The following SLCO2B1 variants were observed in gnomAD, a reference collection of about 807,000 sequenced individuals.
SLCO2B1 encodes solute carrier organic anion transporter family member 2B1.
SLCO2B1 carries 41 observed loss-of-function variants against 67.3 expected under a neutral mutation model. The ratio of observed to expected loss-of-function variants is 0.61; its 90% CI spans 0.47 to 0.79. The LOEUF is 0.79. Among genes scored for constraint, SLCO2B1 ranks in the 30% least tolerant of loss-of-function variants. SLCO2B1 has a pLI of 0.00. For missense variants in SLCO2B1, 837 were observed against 920.1 expected, an observed-to-expected ratio of 0.91 and a Z score of 1.17; for synonymous variants, 379 against 381.4, an observed-to-expected ratio of 0.99 and a Z score of 0.07.
intron 11 of SLCO2B1, 27 bp downstream of exon 11, chr11:75,200,414 G>C: frequency 1.9e-6 from 3 of 1,558,112 alleles, no homozygotes; most frequent in Non-Finnish European, 2.6e-6. Context: ...GGCAGGGGCA[G>C]GTGGATACCA....
chr11:75,185,940 G>C (rs72998552), intron 7 of SLCO2B1, among the ~76,000 whole-genome samples: 32,417 of 152,046 alleles, frequency 0.21, 5,376 homozygotes, highest in African/African-American at 0.46. Context: ...CTCCAGACAT[G>C]GGGCTATCAG....
At chr11:75,200,730 G>A (rs755167359) in intron 11 of SLCO2B1, 1 of 210,354 alleles carries the variant, frequency 4.8e-6, no homozygotes, top group African/African-American at 2.3e-5. Flanking sequence ...GCCTCTGGAG[G>A]TGAGGGCATA....
intron 7 of SLCO2B1, among the ~76,000 whole-genome samples, chr11:75,178,638 T>C (rs1472808336): frequency 6.6e-6 from 1 of 152,210 alleles, no homozygotes; most frequent in Non-Finnish European, 1.5e-5. Flanking sequence ...TTTTTGTGTG[T>C]GTGGTGAGAA....
chr11:75,165,884 C>A lies in SLCO2B1; in HGVS notation c.383C>A (p.Ala128Glu), dbSNP rs755602252. Residue 128 changes from alanine to glutamate, a missense_variant, in exon 4 of 14, where the codon GCG becomes GAG. By Grantham distance (107) the Ala-to-Glu change is moderately radical. Coordinates refer to ENST00000289575, the MANE Select transcript of SLCO2B1 (RefSeq NM_007256.5). ...TATGGGGCTATCCTTGTGGCCCTGG[C>A]GGGCCTGCTCATGACTCTCCCGCAC... is the stretch of plus-strand genomic sequence containing the variant. ...IGYGAILVAL[A>E]GLLMTLPHFI... 2 of 1,614,006 alleles carry A rather than the reference C, an allele frequency of 1.2e-6. No individual in the cohort carries two copies. Among genetic ancestry groups the A allele is most frequent in the Admixed American group, 3.3e-5 (2 of 60,000 alleles).
chr11:75,183,202 T>G (rs548174337), intron 7 of SLCO2B1, among the ~76,000 whole-genome samples: 11 of 152,380 alleles, frequency 7.2e-5, no homozygotes, highest in African/African-American at 2.6e-4. Flanking sequence ...ATTCTTATTT[T>G]AACATATAAT....
intron 7 of SLCO2B1, among the ~76,000 whole-genome samples, chr11:75,183,516 G>T (rs1950112632): frequency 6.6e-6 from 1 of 152,204 alleles, no homozygotes; most frequent in South Asian, 2.1e-4. Context: ...CAGGGGGCTA[G>T]TGGATAAAGT....
intron 7 of SLCO2B1, among the ~76,000 whole-genome samples, chr11:75,184,033 TA>T (rs1232885914): frequency 1.3e-5 from 2 of 152,096 alleles, no homozygotes; most frequent in Admixed American, 6.5e-5. Flanking sequence ...CCTGGAAAGG[TA>T]GTTCCGCTAG....
At chr11:75,176,191 C>T (rs1950021049) in intron 7 of SLCO2B1, among the ~76,000 whole-genome samples, 1 of 152,212 alleles carries the variant, frequency 6.6e-6, no homozygotes, top group Admixed American at 6.5e-5. Flanking sequence ...CTGACAGATT[C>T]TTCGTCCCCA....
intron 9 of SLCO2B1, among the ~76,000 whole-genome samples, chr11:75,194,979 C>A (rs139546893): frequency 6.6e-6 from 1 of 152,158 alleles, no homozygotes; most frequent in African/African-American, 2.4e-5. Flanking sequence ...TCTGCACAAC[C>A]GCAGGTACTA....
intron 3 of SLCO2B1, among the ~76,000 whole-genome samples, chr11:75,164,693 TTC>T (rs1328820981): frequency 6.6e-6 from 1 of 152,128 alleles, no homozygotes; most frequent in African/African-American, 2.4e-5. Context: ...GAAGTTGTCT[TTC>T]TCCCCTGTCC....
At chr11:75,165,045 C>T (rs1031491472) in intron 3 of SLCO2B1, among the ~76,000 whole-genome samples, 14 of 152,196 alleles carry the variant, frequency 9.2e-5, no homozygotes, top group African/African-American at 3.4e-4. Context: ...CAATGCACCC[C>T]CTGCTCATGG....
In SLCO2B1 at chr11:75,206,277, C is replaced by G. The variant is rs1260480499; in HGVS notation, c.*1697C>G. 6 of 152,182 alleles carry G rather than the reference C, an allele frequency of 3.9e-5. No homozygotes were observed. Among genetic ancestry groups the G allele is most frequent in the African/African-American group, 1.4e-4 (6 of 41,434 alleles). 9.4% of individuals were successfully genotyped at this position (152,182 alleles called of 1,614,324 possible). On this transcript the variant is annotated 3_prime_UTR_variant, in exon 14 of 14. Transcript: ENST00000289575. ...TAATGTCTCTTCTATTACAAAAATT[C>G]TTTCTTCATAAACTGCATTAGAGGT...
intron 10 of SLCO2B1, among the ~76,000 whole-genome samples, chr11:75,198,440 T>C (rs1365580370): frequency 2.0e-5 from 3 of 152,234 alleles, no homozygotes; most frequent in Admixed American, 6.5e-5. Context: ...TGAAAGCACA[T>C]AGCACAGTGC....
rs757679119 is a variant in SLCO2B1 at position 75,172,443 on chromosome 11, C to T, written c.846C>T (p.Ile282=). 62 of 1,614,026 alleles carry T rather than the reference C, an allele frequency of 3.8e-5. No homozygotes were observed. The highest frequency in any genetic ancestry group is 1.5e-4 in the South Asian group (14 of 91,090). The change falls in exon 7 of 14, where the codon ATC becomes ATT. Residue 282 remains isoleucine (I), a synonymous_variant. Transcript: ENST00000289575. ...GTGCCTGGTGGCTGGGTTTCCTCAT[C>T]GCTGCCGGTGCAGTGGCCCTGGCTG... ...WVGAWWLGFL[I]AAGAVALAAI... is the part of the protein sequence containing the mutation.
intron 12 of SLCO2B1, 136 bp downstream of exon 12, chr11:75,203,101 G>A (rs1945209069): frequency 8.8e-7 from 1 of 1,135,592 alleles, no homozygotes; most frequent in Admixed American, 1.7e-5. Flanking sequence ...TGACAGACCT[G>A]GCCCAGCTCT....
At chr11:75,161,035 T>C (rs1949813768) in intron 1 of SLCO2B1, among the ~76,000 whole-genome samples, 1 of 152,228 alleles carries the variant, frequency 6.6e-6, no homozygotes. Context: ...TGGTTAAACA[T>C]AGCATTATTG....
At chr11:75,187,920 T>A (rs1223118310) in intron 7 of SLCO2B1, among the ~76,000 whole-genome samples, 1 of 152,184 alleles carries the variant, frequency 6.6e-6, no homozygotes, top group East Asian at 1.9e-4. Context: ...GATGACAAAG[T>A]TTAACCACAA....
At chr11:75,199,954 C>G in intron 10 of SLCO2B1, 1 of 463,882 alleles carries the variant, frequency 2.2e-6, no homozygotes, top group Non-Finnish European at 3.8e-6. Flanking sequence ...CTCCTGGCTC[C>G]CTCCCTCTTC....
intron 8 of SLCO2B1, 69 bp downstream of exon 8, chr11:75,188,307 T>C (rs1456084054): frequency 5.1e-6 from 5 of 988,518 alleles, no homozygotes; most frequent in South Asian, 4.1e-5. Context: ...CAGGATCCAG[T>C]CCTTCCTGCT....
Sources: allele counts gnomAD v4.1 joint callset (sites outside exome capture counted in the v4.1 genomes callset), GRCh38; gene constraint gnomAD v4.1.1; transcripts MANE v1.5; gene names NCBI Gene and HGNC (gene_info 2026-07-23, HGNC 2026-07-21).